The following FLRT3 variants were observed in gnomAD, a reference collection of about 807,000 sequenced individuals.
FLRT3 encodes fibronectin leucine rich transmembrane protein 3.
FLRT3 carries 17 observed loss-of-function variants against 42.6 expected under a neutral mutation model. The ratio of observed to expected loss-of-function variants is 0.40; its 90% CI spans 0.27 to 0.60. FLRT3 has a LOEUF of 0.60. Among genes scored for constraint, FLRT3 ranks in the 20% least tolerant of loss-of-function variants. The pLI is 0.44. For synonymous variants in FLRT3, 279 were observed against 286.4 expected, an observed-to-expected ratio of 0.97 and a Z score of 0.26; for missense variants, 635 against 789.2, an observed-to-expected ratio of 0.80 and a Z score of 2.34.
intron 1 of FLRT3, among the ~76,000 whole-genome samples, chr20:14,330,441 C>T (rs1179312108): frequency 6.6e-6 from 1 of 152,006 alleles, no homozygotes; most frequent in African/African-American, 2.4e-5. Context: ...CAGTTGCTAT[C>T]TAACATCCAA....
rs1307110972 is a variant in FLRT3, at chr20:14,329,216, G to A, written c.-135C>T. 6.6e-6 allele frequency: 1 copy of A among 152,034 alleles called. No homozygotes were observed. Among genetic ancestry groups the A allele is most frequent in the Non-Finnish European group, 1.5e-5 (1 of 67,978 alleles). 9.4% of individuals were successfully genotyped at this position (152,034 alleles called of 1,614,324 possible). ...GTGCAGTCACGTTATACAAGAACAG[G>A]TATTCTCTTTTAAGAAGTAAAGGAA... is the stretch of plus-strand genomic sequence containing the variant. On this transcript the variant is annotated 5_prime_UTR_variant, in exon 2 of 3. Transcript: ENST00000341420.
chr20:14,327,536 G>A lies in FLRT3; in HGVS notation c.-30C>T. The A allele has an allele frequency of 1.3e-6, 2 of 1,570,730 alleles. No individual in the cohort carries two copies. Among genetic ancestry groups the A allele is most frequent in the Middle Eastern group, 1.7e-4 (1 of 5,800 alleles). On this transcript the variant is annotated 5_prime_UTR_variant, in exon 3 of 3. Coordinates refer to ENST00000341420, the MANE Select transcript of FLRT3 (RefSeq NM_198391.3). ...AGCAGTGTTGAGGTCTTTATACAAG[G>A]TAGCTTCCGTTACTTCAGAACCCTA...
Position 14,326,618 on chromosome 20 carries a change from T to C in FLRT3, c.889A>G (p.Ile297Val). 1 of 1,613,868 alleles carries C rather than the reference T, an allele frequency of 6.2e-7. No individual in the cohort carries two copies. Among genetic ancestry groups the C allele is most frequent in the Non-Finnish European group, 8.5e-7 (1 of 1,179,842 alleles). The stretch of plus-strand genomic sequence containing the variant: ...TTGTTGCGAAGAATCAGTTGTGTTA[T>C]ATTGTCCAAATCATCAAAGATACCC... The part of the protein sequence containing the change: ...PQGIFDDLDN[I>V]TQLILRNNPW... Residue 297 changes from isoleucine to valine, a missense_variant, in exon 3 of 3, where the codon ATA (isoleucine) becomes GTA (valine). By Grantham distance (29) the Ile-to-Val change is conservative (BLOSUM62 3). Coordinates refer to ENST00000341420, the MANE Select transcript of FLRT3 (RefSeq NM_198391.3). This position sits in a 1 kb window ranked among gnomAD's most constrained non-coding sequence, Gnocchi z 5.5.
chr20:14,331,442 T>G (rs2082837139), intron 1 of FLRT3, among the ~76,000 whole-genome samples: 1 of 152,132 alleles, frequency 6.6e-6, no homozygotes, highest in African/African-American at 2.4e-5. Flanking sequence ...ATAGTGGTAA[T>G]AATGTGGGAT....
chr20:14,337,032 T>TA (rs1480331657), intron 1 of FLRT3, among the ~76,000 whole-genome samples: 3 of 152,188 alleles, frequency 2.0e-5, no homozygotes, highest in Non-Finnish European at 2.9e-5. Context: ...TTGGTGATCA[T>TA]CCCACACGTA....
In FLRT3 at chr20:14,326,664, A is replaced by T. The variant is rs778241174; in HGVS notation, c.843T>A (p.Asn281Lys). Residue 281 changes from asparagine (N) to lysine (K), a missense_variant, in exon 3 of 3, where the codon AAT (asparagine) becomes AAA (lysine). Physicochemically the swap from Asn to Lys is moderately conservative, Grantham distance 94. Transcript: ENST00000341420. This position sits in a 1 kb window ranked among gnomAD's most constrained non-coding sequence, Gnocchi z 5.5. ...TACCCTGAGGTAAATTACTTAGGTT[A>T]TTATTGGACATATCCAGTCGATAGA... Reference protein sequence around the residue: ...RQLYRLDMSNNNLSNLPQGIF... With the variant: ...RQLYRLDMSNKNLSNLPQGIF... 1 of 1,613,784 alleles carries T rather than the reference A, an allele frequency of 6.2e-7. No individual in the cohort carries two copies. The highest frequency in any genetic ancestry group is 2.2e-5 in the East Asian group (1 of 44,862).
Position 14,325,608 on chromosome 20 carries a change from G to A in FLRT3, c.1899C>T (p.Asn633=), listed in dbSNP as rs1380368155. ...YKNNHSESSS[N]RSYRDSGIPD... is the part of the protein sequence containing the mutation. ...GAATACCACTGTCTCTGTAGCTTCG[G>A]TTACTACTGCTTTCACTGTGATTGT... The change falls in exon 3 of 3, where the codon AAC becomes AAT. Residue 633 remains asparagine (N), a synonymous_variant. Transcript: ENST00000341420. 1 of 1,613,434 alleles carries A rather than the reference G, an allele frequency of 6.2e-7. No individual in the cohort carries two copies. The highest frequency in any genetic ancestry group is 8.5e-7 in the Non-Finnish European group (1 of 1,179,622).
chr20:14,326,586 C>T lies in FLRT3; in HGVS notation c.921G>A (p.Trp307Ter). 6.2e-7 allele frequency: 1 copy of T among 1,613,866 alleles called. No homozygotes were observed. Among genetic ancestry groups the T allele is most frequent in the Non-Finnish European group, 8.5e-7 (1 of 1,179,838 alleles). The change falls in exon 3 of 3, where the codon TGG becomes TGA. Residue 307 changes from tryptophan (W) to a stop codon, truncating the protein, a stop_gained. Transcript: ENST00000341420. LOFTEE classifies it high-confidence loss of function. This position sits in a 1 kb window ranked among gnomAD's most constrained non-coding sequence, Gnocchi z 5.5. ...ITQLILRNNP[W>*]YCGCKMKWVR... is the part of the protein sequence containing the mutation. ...CCCATTTCATCTTGCACCCGCAATACCAGGGATTGTTGCGAAGAATCAGTT... is the reference window on the plus strand; with the variant it reads ...CCCATTTCATCTTGCACCCGCAATATCAGGGATTGTTGCGAAGAATCAGTT...
chr20:14,332,595 G>A (rs75685575), intron 1 of FLRT3, among the ~76,000 whole-genome samples: 2,162 of 152,132 alleles, frequency 0.014, 14 homozygotes, highest in African/African-American at 0.022. Context: ...TCAAGTATAA[G>A]GTTTTGAGAT....
chr20:14,331,546 G>T (rs980899085), intron 1 of FLRT3, among the ~76,000 whole-genome samples: 3 of 152,030 alleles, frequency 2.0e-5, no homozygotes, highest in Non-Finnish European at 4.4e-5. Context: ...CATAAAACAG[G>T]TTTCTTAGGA....
rs867826371 is a variant in FLRT3, at chr20:14,322,990, G to A, written c.*2567C>T. On this transcript the variant is annotated 3_prime_UTR_variant, in exon 3 of 3. Coordinates refer to ENST00000341420, the MANE Select transcript of FLRT3 (RefSeq NM_198391.3). ...TCTGTGTGGAAAACACAAACTCAAA[G>A]TGTGTATGTGTGTTTAATTCTCTCA... is the stretch of plus-strand genomic sequence containing the variant. 1.3e-5 allele frequency: 2 copies of A among 152,252 alleles called. No homozygotes were observed. 9.4% of individuals were successfully genotyped at this position (152,252 alleles called of 1,614,324 possible). A position where few individuals can be genotyped will look rare whatever the true frequency, so the allele number is the denominator to read the frequency against.
In FLRT3 at chr20:14,326,656, C is replaced by T. The variant is rs758993460; in HGVS notation, c.851G>A (p.Ser284Asn). The T allele has an allele frequency of 8.1e-6, 13 of 1,613,600 alleles. No homozygotes were observed. Among genetic ancestry groups the T allele is most frequent in the Admixed American group, 3.3e-5 (2 of 59,942 alleles). Residue 284 changes from serine to asparagine, a missense_variant, in exon 3 of 3, where the codon AGT (serine) becomes AAT (asparagine). Ser to Asn is a conservative substitution (Grantham distance 46). Coordinates refer to ENST00000341420, the MANE Select transcript of FLRT3 (RefSeq NM_198391.3). The surrounding 1 kb of genome is among the most constrained non-coding windows in gnomAD (Gnocchi z 5.5). ...ATCAAAGATACCCTGAGGTAAATTA[C>T]TTAGGTTATTATTGGACATATCCAG... ...YRLDMSNNNL[S>N]NLPQGIFDDL... is the part of the protein sequence containing the mutation.
chr20:14,326,244 A>G lies in FLRT3; in HGVS notation c.1263T>C (p.Asp421=). Residue 421 remains aspartate, a synonymous_variant, in exon 3 of 3, where the codon GAT becomes GAC. Coordinates refer to ENST00000341420, the MANE Select transcript of FLRT3 (RefSeq NM_198391.3). The surrounding 1 kb of genome is among the most constrained non-coding windows in gnomAD (Gnocchi z 5.5). ...CAAGTTTCCAAGAGATATGAATGGT[A>G]TCAGAGGTGACAGACTTCACAGTAA... The part of the protein sequence containing the change: ...ITITVKSVTS[D]TIHISWKLAL... 1 of 1,613,942 alleles carries G rather than the reference A, an allele frequency of 6.2e-7. No individual in the cohort carries two copies. Among genetic ancestry groups the G allele is most frequent in the Non-Finnish European group, 8.5e-7 (1 of 1,179,860 alleles).
At position 14,325,685 on chromosome 20, in the gene FLRT3, C is replaced by T; in HGVS notation, c.1822G>A (p.Glu608Lys). 2 of 1,613,880 alleles carry T rather than the reference C, an allele frequency of 1.2e-6. No individual in the cohort carries two copies. Among genetic ancestry groups the T allele is most frequent in the East Asian group, 2.2e-5 (1 of 44,872 alleles). Reference sequence around the variant, plus strand: ...GGAAATATGGTGTGTATTACAAACTCCTCCTTCGAGATGGGTTCATTGCTT... The same window carrying T: ...GGAAATATGGTGTGTATTACAAACTTCTCCTTCGAGATGGGTTCATTGCTT... ...PISNEPISKEEFVIHTIFPPN... is the reference protein window; with the variant it reads ...PISNEPISKEKFVIHTIFPPN... Residue 608 changes from glutamate to lysine, a missense_variant, in exon 3 of 3, where the codon GAG becomes AAG. Glu to Lys is a moderately conservative substitution (Grantham distance 56). Coordinates refer to ENST00000341420, the MANE Select transcript of FLRT3 (RefSeq NM_198391.3).
At chr20:14,330,581 G>T (rs1043997552) in intron 1 of FLRT3, among the ~76,000 whole-genome samples, 3 of 152,036 alleles carry the variant, frequency 2.0e-5, no homozygotes, top group Admixed American at 6.6e-5. Flanking sequence ...TACCAACATG[G>T]TCATAGGCTA....
At chr20:14,335,892 T>C (rs1381088906) in intron 1 of FLRT3, among the ~76,000 whole-genome samples, 1 of 152,278 alleles carries the variant, frequency 6.6e-6, no homozygotes, top group East Asian at 1.9e-4. Context: ...GTGTCCAAAC[T>C]AAGGGGCATA....
chr20:14,328,284 ATT>A, intron 2 of FLRT3, among the ~76,000 whole-genome samples: 1 of 152,036 alleles, frequency 6.6e-6, no homozygotes. Flanking sequence ...TAAGTGGAAA[ATT>A]TCACTTCATA....
Position 14,326,168 on chromosome 20 carries a change from G to T in FLRT3, c.1339C>A (p.Pro447Thr), listed in dbSNP as rs1306962712. 6.2e-7 allele frequency: 1 copy of T among 1,613,834 alleles called. No homozygotes were observed. The highest frequency in any genetic ancestry group is 1.1e-5 in the South Asian group (1 of 91,076). Residue 447 changes from proline to threonine, a missense_variant, in exon 3 of 3, where the codon CCG becomes ACG. By Grantham distance (38) the Pro-to-Thr change is conservative. Coordinates refer to ENST00000341420, the MANE Select transcript of FLRT3 (RefSeq NM_198391.3). This position sits in a 1 kb window ranked among gnomAD's most constrained non-coding sequence, Gnocchi z 5.5. ...RLSWLKLGHS[P>T]AFGSITETIV... ...GTTTCTGTTATAGATCCAAATGCCGGGCTATGGCCCAGTTTAAGCCAGCTG... is the reference window on the plus strand; with the variant it reads ...GTTTCTGTTATAGATCCAAATGCCGTGCTATGGCCCAGTTTAAGCCAGCTG...
chr20:14,325,408 T>A lies in FLRT3; in HGVS notation c.*149A>T, dbSNP rs1385460931. The A allele has an allele frequency of 1.4e-6, 1 of 740,340 alleles. No individual in the cohort carries two copies. Among genetic ancestry groups the A allele is most frequent in the Non-Finnish European group, 2.0e-6 (1 of 496,864 alleles). The allele number at this position is 740,340 out of a possible 1,614,324, so 45.9% of individuals were successfully genotyped here. A position where few individuals can be genotyped will look rare whatever the true frequency, so the allele number is the denominator to read the frequency against. ...AAATTTGAAACTTTTAATAAAAAGT[T>A]CTTAAATATAAATTATATGGCAAAT... On this transcript the variant is annotated 3_prime_UTR_variant, in exon 3 of 3. Coordinates refer to ENST00000341420, the MANE Select transcript of FLRT3 (RefSeq NM_198391.3).
Sources: allele counts gnomAD v4.1 joint callset (sites outside exome capture counted in the v4.1 genomes callset), GRCh38; gene constraint gnomAD v4.1.1; non-coding constraint Gnocchi (gnomAD v3.1); transcripts MANE v1.5; gene names NCBI Gene and HGNC (gene_info 2026-07-23, HGNC 2026-07-21).